The following NOC3L variants were observed in gnomAD, a reference collection of about 807,000 sequenced individuals.
NOC3L encodes NOC3 like DNA replication regulator.
A neutral mutation model predicts 102.5 loss-of-function variants in NOC3L; 85 were observed. That is an observed-to-expected ratio of 0.83 (90% CI 0.70 to 0.99). NOC3L has a LOEUF of 0.99. Among genes scored for constraint, NOC3L ranks in the 50% least tolerant of loss-of-function variants. NOC3L has a pLI of 0.00. For missense variants in NOC3L, 878 were observed against 914.9 expected, an observed-to-expected ratio of 0.96 and a Z score of 0.52; for synonymous variants, 303 against 309.4, an observed-to-expected ratio of 0.98 and a Z score of 0.22.
Position 94,350,110 on chromosome 10 carries a change from C to T in NOC3L, c.1128+3G>A. 1 of 1,613,886 alleles carries T rather than the reference C, an allele frequency of 6.2e-7. No homozygotes were observed. The highest frequency in any genetic ancestry group is 8.5e-7 in the Non-Finnish European group (1 of 1,179,860). ...ACAGCAATAACCATTTACAGCAACT[C>T]ACCAATTTTGACATGTCATTCATGA... is the stretch of plus-strand genomic sequence containing the variant. On this transcript the variant is annotated splice_donor_region_variant and intron_variant, in intron 9 of 20. Transcript: ENST00000371361.
chr10:94,361,022 A>C (rs2054546438), intron 2 of NOC3L, among the ~76,000 whole-genome samples: 1 of 152,088 alleles, frequency 6.6e-6, no homozygotes, highest in Admixed American at 6.6e-5. Flanking sequence ...TTAAAATAAT[A>C]ATAATAATTT....
chr10:94,361,874 T>C lies in NOC3L; in HGVS notation c.10-2A>G. 1 of 1,594,062 alleles carries C rather than the reference T, an allele frequency of 6.3e-7. No individual in the cohort carries two copies. Among genetic ancestry groups the C allele is most frequent in the South Asian group, 1.1e-5 (1 of 90,120 alleles). ...TGGGATCTGTTTTTTATTTCTTCTC[T>C]AGAAAATAACAGAAAGAATACTGCA... On this transcript the variant is annotated splice_acceptor_variant, in intron 1 of 20. Coordinates refer to ENST00000371361, the MANE Select transcript of NOC3L (RefSeq NM_022451.11). LOFTEE classifies it high-confidence loss of function.
At chr10:94,356,647 G>T in intron 4 of NOC3L, 56 bp from the exon 5 acceptor site, 1 of 1,035,454 alleles carries the variant, frequency 9.7e-7, no homozygotes, top group Non-Finnish European at 1.5e-6. Context: ...GGTAAAAACT[G>T]TAAAGAAATG....
At chr10:94,362,429 G>C (rs536032186) in intron 1 of NOC3L, among the ~76,000 whole-genome samples, 2 of 152,196 alleles carry the variant, frequency 1.3e-5, no homozygotes, top group African/African-American at 2.4e-5. Context: ...CTGAACCCCA[G>C]GACTACCTCT....
chr10:94,350,904 T>C (rs975638839), intron 8 of NOC3L, among the ~76,000 whole-genome samples: 27 of 152,046 alleles, frequency 1.8e-4, no homozygotes, highest in African/African-American at 6.3e-4. Context: ...ACAAACCAGA[T>C]TTGAACTTAG....
chr10:94,356,479 A>T, intron 5 of NOC3L, 56 bp downstream of exon 5: 2 of 1,027,700 alleles, frequency 1.9e-6, no homozygotes, highest in Non-Finnish European at 3.1e-6. Context: ...ACTCACATTT[A>T]CTATTATGCA....
intron 6 of NOC3L, among the ~76,000 whole-genome samples, chr10:94,354,279 T>A (rs1433628732): frequency 1.3e-5 from 2 of 152,222 alleles, no homozygotes; most frequent in Admixed American, 1.3e-4. Context: ...GACACCAGCA[T>A]AACAATAATA....
the NOC3L span, chr10:94,324,794 T>C: frequency 4.7e-6 from 6 of 1,266,872 alleles, no homozygotes; most frequent in African/African-American, 8.8e-5. Flanking sequence ...TCTCCAAAGC[T>C]CTAGAGAGAA....
At chr10:94,340,154 G>A in intron 16 of NOC3L, 122 bp downstream of exon 16, 1 of 844,332 alleles carries the variant, frequency 1.2e-6, no homozygotes, top group Non-Finnish European at 1.8e-6. Flanking sequence ...ACAGATGCAT[G>A]GCACTGGAAA....
rs534299775 is a variant in NOC3L at position 94,339,678 on chromosome 10, C to G, written c.1962+61G>C. On this transcript the variant is annotated intron_variant, in intron 17 of 20. Coordinates refer to ENST00000371361, the MANE Select transcript of NOC3L (RefSeq NM_022451.11). The stretch of plus-strand genomic sequence containing the variant: ...ATAAAAGGGGGGAAAAGACATGCCT[C>G]AAACAAAAAAAATCATTGCATTATA... 6.4e-5 allele frequency: 90 copies of G among 1,399,248 alleles called. No individual in the cohort carries two copies. The African/African-American group carries it at 1.2e-3, about 19-fold the overall frequency. The allele number at this position is 1,399,248 out of a possible 1,614,324, so 86.7% of individuals were successfully genotyped here. A position where few individuals can be genotyped will look rare whatever the true frequency, so the allele number is the denominator to read the frequency against.
At chr10:94,326,776 CTGACCAATGGATTCACA>C in the NOC3L span, among the ~76,000 whole-genome samples, 1 of 152,176 alleles carries the variant, frequency 6.6e-6, no homozygotes, top group East Asian at 1.9e-4. Context: ...TTTATTTTTT[CTGACCAATGGATTCACA>C]TGACTTTTTT....
intron 3 of NOC3L, chr10:94,357,723 G>A: frequency 4.0e-6 from 1 of 250,006 alleles, no homozygotes. Context: ...GTGACTGCAG[G>A]GAACCATCAG....
downstream of NOC3L, chr10:94,332,232 T>G (rs940636080): frequency 1.3e-5 from 2 of 152,150 alleles, no homozygotes; most frequent in African/African-American, 4.8e-5. Flanking sequence ...ACCAAACAGA[T>G]CTCTGAAACC....
intron 13 of NOC3L, among the ~76,000 whole-genome samples, 161 bp from the exon 14 acceptor site, chr10:94,341,906 C>T (rs1182572751): frequency 6.6e-6 from 1 of 152,176 alleles, no homozygotes; most frequent in Non-Finnish European, 1.5e-5. Flanking sequence ...TTCAGATTGG[C>T]CTCTTCAACA....
Position 94,350,218 on chromosome 10 carries a change from G to C in NOC3L, c.1023C>G (p.Val341=), listed in dbSNP as rs147558722. 6.2e-7 allele frequency: 1 copy of C among 1,614,154 alleles called. No homozygotes were observed. Among genetic ancestry groups the C allele is most frequent in the South Asian group, 1.1e-5 (1 of 91,086 alleles). Residue 341 remains valine (V), a synonymous_variant, in exon 9 of 21, where the codon GTC becomes GTG. Coordinates refer to ENST00000371361, the MANE Select transcript of NOC3L (RefSeq NM_022451.11). The part of the protein sequence containing the change: ...SLKAYKGLAE[V]AVKSLCELLV... The stretch of plus-strand genomic sequence containing the variant: ...ACAGCTCACACAAGCTCTTCACAGC[G>C]ACTTCTGCCAGTCCTTTGTATGCCT...
intron 18 of NOC3L, 138 bp from the exon 19 acceptor site, chr10:94,338,012 G>A (rs2054242695): frequency 2.2e-6 from 1 of 463,236 alleles, no homozygotes; most frequent in Middle Eastern, 2.9e-4. Flanking sequence ...TAATTCATTA[G>A]AAGCACATAC....
intron 10 of NOC3L, 65 bp downstream of exon 10, chr10:94,349,185 A>G: frequency 2.0e-6 from 3 of 1,535,092 alleles, no homozygotes; most frequent in Non-Finnish European, 2.6e-6. Context: ...TAAATTCCTC[A>G]TAACAACTGA....
chr10:94,315,769 CAAAAAAAA>C, the NOC3L span, among the ~76,000 whole-genome samples: 30,622 of 123,164 alleles, frequency 0.25, 3,264 homozygotes, highest in Middle Eastern at 0.45. Flanking sequence ...GACTCTGTCT[CAAAAAAAA>C]AAAAAAAAAA....
Position 94,356,556 on chromosome 10 carries a change from C to T in NOC3L, c.544G>A (p.Glu182Lys). The T allele has an allele frequency of 6.3e-7, 1 of 1,581,836 alleles. No homozygotes were observed. The highest frequency in any genetic ancestry group is 8.7e-7 in the Non-Finnish European group (1 of 1,151,956). The change falls in exon 5 of 21, where the codon GAA becomes AAA. Residue 182 changes from glutamate (E) to lysine (K), a missense_variant. By Grantham distance (56) the Glu-to-Lys change is moderately conservative. Transcript: ENST00000371361. ...DSNKDEEDQE[E>K]ERELEEEIIE... is the part of the protein sequence containing the mutation. ...TTACCTTCCTCAAGTTCCCTCTCTT[C>T]TTCTTGATCCTCTTCATCTTTGTTA...
Sources: allele counts gnomAD v4.1 joint callset (sites outside exome capture counted in the v4.1 genomes callset), GRCh38; gene constraint gnomAD v4.1.1; transcripts MANE v1.5; gene names NCBI Gene and HGNC (gene_info 2026-07-23, HGNC 2026-07-21).